Variants in CDC14B observed in about 807,000 individuals in gnomAD.
CDC14B encodes dual specificity protein phosphatase CDC14B.
A neutral mutation model predicts 64.2 loss-of-function variants in CDC14B; 22 were observed. The observed-to-expected ratio is 0.34, with a 90% CI of 0.24 to 0.49. CDC14B has a LOEUF of 0.49. Among genes scored for constraint, CDC14B ranks in the 20% least tolerant of loss-of-function variants. The pLI, the probability that CDC14B is intolerant of heterozygous loss-of-function variation, is 0.99. For missense variants in CDC14B, 498 were observed against 629.9 expected, an observed-to-expected ratio of 0.79 and a Z score of 2.24; for synonymous variants, 191 against 215.8, an observed-to-expected ratio of 0.89 and a Z score of 1.01.
intron 12 of CDC14B, among the ~76,000 whole-genome samples, chr9:96,510,757 C>T (rs1323556312): frequency 6.6e-6 from 1 of 151,966 alleles, no homozygotes; most frequent in Admixed American, 6.6e-5. Flanking sequence ...AGGCGCCCAC[C>T]ACCTCACCTG....
chr9:96,507,075 C>T (rs1407927565), intron 13 of CDC14B, among the ~76,000 whole-genome samples: 1 of 152,162 alleles, frequency 6.6e-6, no homozygotes, highest in Non-Finnish European at 1.5e-5. Flanking sequence ...AGGTGGACCA[C>T]TTGAGGTCAG....
chr9:96,594,401 T>C (rs1845947272), intron 1 of CDC14B, among the ~76,000 whole-genome samples: 1 of 152,024 alleles, frequency 6.6e-6, no homozygotes, highest in Admixed American at 6.6e-5. Context: ...ACATAGAACA[T>C]GCAAGTGAGA....
At chr9:96,529,452 T>A (rs1838084711) in intron 9 of CDC14B, among the ~76,000 whole-genome samples, 1 of 151,838 alleles carries the variant, frequency 6.6e-6, no homozygotes, top group Non-Finnish European at 1.5e-5. Flanking sequence ...TTTATGCCAG[T>A]ACCACACAAT....
intron 9 of CDC14B, among the ~76,000 whole-genome samples, chr9:96,527,507 G>A (rs982734816): frequency 6.6e-6 from 1 of 152,234 alleles, no homozygotes; most frequent in Admixed American, 6.5e-5. Flanking sequence ...CAGCTCAGTA[G>A]CATTAAGTAC....
At chr9:96,577,692 G>A (rs528605308) in intron 1 of CDC14B, among the ~76,000 whole-genome samples, 8 of 152,172 alleles carry the variant, frequency 5.3e-5, no homozygotes, top group African/African-American at 7.2e-5. Flanking sequence ...AGATTACAGC[G>A]GCAGTACAAC....
chr9:96,556,691 T>A (rs1037229497), intron 4 of CDC14B, among the ~76,000 whole-genome samples: 2 of 152,202 alleles, frequency 1.3e-5, no homozygotes, highest in South Asian at 4.1e-4. Flanking sequence ...ATAAAAATAG[T>A]GAATTGGCCC....
In CDC14B at chr9:96,522,413, A is replaced by C; in HGVS notation, c.1343+93T>G. On this transcript the variant is annotated intron_variant, in intron 12 of 13. Transcript: ENST00000375241. ...TTTCAAAGTGGCATCATGGGCTTGC[A>C]ACTATGGAGAAAAATGTACAGGAAA... The C allele has an allele frequency of 4.7e-6, 4 of 848,490 alleles. No homozygotes were observed. The South Asian group carries it at 5.4e-5, about 12-fold the overall frequency. The allele number at this position is 848,490 out of a possible 1,614,324, so 52.6% of individuals were successfully genotyped here.
In CDC14B at chr9:96,494,903, C is replaced by T. The variant is rs541712577; in HGVS notation, c.*80+1304G>A. On this transcript the variant is annotated intron_variant and NMD_transcript_variant, in intron 13 of 13. Transcript: ENST00000474602. The stretch of plus-strand genomic sequence containing the variant: ...AGGCTGCAGTGCAGTGGCGCGATCT[C>T]GGCTCACTGCAAGCTCTGTCTCCCG... Among the ~76,000 whole-genome samples the T allele has an allele frequency of 1.0e-4, 15 of 150,548 alleles. No individual in the cohort carries two copies. In the South Asian group the frequency reaches 2.1e-3, roughly 21 times the overall value.
chr9:96,594,714 CAA>C (rs11414625), intron 1 of CDC14B, among the ~76,000 whole-genome samples: 613 of 42,336 alleles, frequency 0.014, 2 homozygotes, highest in African/African-American at 0.051. Context: ...AAGGCTGTCT[CAA>C]AAAAAAAAAA....
At chr9:96,572,018 C>T (rs1469827514) in intron 1 of CDC14B, among the ~76,000 whole-genome samples, 2 of 152,102 alleles carry the variant, frequency 1.3e-5, no homozygotes, top group Admixed American at 6.6e-5. Flanking sequence ...CCACTAGAGG[C>T]CCAAAGGACA....
chr9:96,619,484 A>G lies in CDC14B; in HGVS notation c.-106T>C, dbSNP rs1847845756. On this transcript the variant is annotated 5_prime_UTR_variant, in exon 1 of 14. Transcript: ENST00000375241. ...CGCGGGCGCTCGGGGCGGCGGGCGC[A>G]GAGCGGCGCTGCGGGGACGGCGGGC... is the stretch of plus-strand genomic sequence containing the variant. 3.6e-6 allele frequency: 2 copies of G among 550,066 alleles called. No homozygotes were observed. The highest frequency in any genetic ancestry group is 4.6e-6 in the Non-Finnish European group (2 of 435,668). 34.1% of individuals were successfully genotyped at this position (550,066 alleles called of 1,614,324 possible).
chr9:96,606,067 C>T (rs111575248), intron 1 of CDC14B, among the ~76,000 whole-genome samples: 3,440 of 151,928 alleles, frequency 0.023, 136 homozygotes, highest in African/African-American at 0.078. Context: ...GGAATGGTGG[C>T]TCATGCCTGT....
intron 12 of CDC14B, among the ~76,000 whole-genome samples, chr9:96,520,323 CTT>C (rs527946103): frequency 1.0e-3 from 158 of 152,282 alleles, no homozygotes; most frequent in African/African-American, 3.7e-3. Flanking sequence ...TGAGCTACCT[CTT>C]TGTTTTTTAA....
At chr9:96,565,246 G>A in intron 2 of CDC14B, 147 bp downstream of exon 2, 1 of 563,704 alleles carries the variant, frequency 1.8e-6, no homozygotes, top group Non-Finnish European at 3.1e-6. Context: ...TGCTCTAAAG[G>A]TTTATTTTAT....
intron 1 of CDC14B, among the ~76,000 whole-genome samples, chr9:96,571,852 G>C (rs959386368): frequency 5.9e-5 from 9 of 152,138 alleles, no homozygotes; most frequent in African/African-American, 1.2e-4. Flanking sequence ...ATTCCACAAA[G>C]CATCCCACCC....
At chr9:96,494,132 C>T (rs1311769449) in intron 13 of CDC14B, among the ~76,000 whole-genome samples, 1 of 152,224 alleles carries the variant, frequency 6.6e-6, no homozygotes, top group Non-Finnish European at 1.5e-5. Context: ...GGCAAGGACG[C>T]TGTCTTTCTT....
In CDC14B at chr9:96,501,501, C is replaced by G. The variant is rs965839184; in HGVS notation, c.*2252G>C. Reference sequence around the variant, plus strand: ...ATAGCAGGAAGAACTTTCCATCCCTCAGACCCAGAGACTTCCTGGATGCTA... The same window carrying G: ...ATAGCAGGAAGAACTTTCCATCCCTGAGACCCAGAGACTTCCTGGATGCTA... On this transcript the variant is annotated 3_prime_UTR_variant, in exon 14 of 14. Coordinates refer to ENST00000375241, the MANE Select transcript of CDC14B (RefSeq NM_033331.4). 1 of 152,278 alleles carries G rather than the reference C, an allele frequency of 6.6e-6. No homozygotes were observed. Among genetic ancestry groups the G allele is most frequent in the Non-Finnish European group, 1.5e-5 (1 of 68,046 alleles). The allele number at this position is 152,278 out of a possible 1,614,324, so 9.4% of individuals were successfully genotyped here. A position where few individuals can be genotyped will look rare whatever the true frequency, so the allele number is the denominator to read the frequency against.
chr9:96,523,251 G>C lies in CDC14B; in HGVS notation c.1245+10C>G. ...CAGTAACAACATCGCAACAGAAACG[G>C]CTTGATTACCGGTTCGGGTTCTTGC... On this transcript the variant is annotated intron_variant, in intron 11 of 13. Coordinates refer to ENST00000375241, the MANE Select transcript of CDC14B (RefSeq NM_033331.4). 1 of 1,613,600 alleles carries C rather than the reference G, an allele frequency of 6.2e-7. No homozygotes were observed. The highest frequency in any genetic ancestry group is 1.3e-5 in the African/African-American group (1 of 74,994).
chr9:96,548,571 C>T (rs1396562608), intron 5 of CDC14B, among the ~76,000 whole-genome samples: 1 of 152,102 alleles, frequency 6.6e-6, no homozygotes, highest in Non-Finnish European at 1.5e-5. Flanking sequence ...AATCCCAGCA[C>T]TTTGGGAGGC....
Sources: gnomAD v4.1 joint callset for allele counts (sites outside exome capture counted in the v4.1 genomes callset) on GRCh38, gnomAD v4.1.1 for gene constraint, MANE v1.5 for transcripts, NCBI Gene and HGNC (gene_info 2026-07-23, HGNC 2026-07-21) for gene names.